Variants in DOCK3 observed in about 807,000 individuals in gnomAD.
DOCK3 encodes the protein dedicator of cytokinesis 3.
A neutral mutation model predicts 265.6 loss-of-function variants in DOCK3; 60 were observed. The ratio of observed to expected loss-of-function variants is 0.23; its 90% confidence interval spans 0.18 to 0.28. DOCK3 has a LOEUF of 0.28. DOCK3 is among the 10% of genes least tolerant of loss of function. The pLI, the probability that DOCK3 is intolerant of heterozygous loss-of-function variation, is 1.00. For synonymous variants in DOCK3, 881 were observed against 938.0 expected, an observed-to-expected ratio of 0.94 and a Z score of 1.11; for missense variants, 1,981 against 2,594.3, an observed-to-expected ratio of 0.76 and a Z score of 5.14.
chr3:50,691,853 A>G (rs1576114311), intron 1 of DOCK3, among the ~76,000 whole-genome samples: 1 of 150,140 alleles, frequency 6.7e-6, no homozygotes, highest in African/African-American at 2.5e-5. Context: ...GGCCATTTGT[A>G]TGTCTTTTTT....
At chr3:50,874,044 T>TG (rs1393496277) in intron 3 of DOCK3, among the ~76,000 whole-genome samples, 1 of 140,440 alleles carries the variant, frequency 7.1e-6, no homozygotes, top group Non-Finnish European at 1.5e-5. Flanking sequence ...ATGAAGGTGT[T>TG]TTTTTTTTTT....
chr3:51,135,145 A>C (rs1448610567), intron 9 of DOCK3, among the ~76,000 whole-genome samples: 1 of 152,226 alleles, frequency 6.6e-6, no homozygotes, highest in African/African-American at 2.4e-5. Context: ...TGTTCCACAG[A>C]GACCTCGAAT....
At chr3:51,104,690 A>G (rs1301805948) in intron 9 of DOCK3, among the ~76,000 whole-genome samples, 2 of 152,216 alleles carry the variant, frequency 1.3e-5, no homozygotes, top group African/African-American at 4.8e-5. Flanking sequence ...TTTAGTAAAC[A>G]CTTATAATCT....
chr3:51,000,364 T>G (rs1015643024), intron 5 of DOCK3, among the ~76,000 whole-genome samples: 3 of 152,164 alleles, frequency 2.0e-5, no homozygotes, highest in African/African-American at 7.2e-5. Flanking sequence ...TACAATAATT[T>G]GTGAATGAAG....
chr3:51,348,336 C>T (rs139559633), intron 38 of DOCK3, among the ~76,000 whole-genome samples: 345 of 152,324 alleles, frequency 2.3e-3, no homozygotes, highest in Non-Finnish European at 3.9e-3. Flanking sequence ...TAGGCATTTT[C>T]TTCTTGGTTT....
intron 5 of DOCK3, among the ~76,000 whole-genome samples, chr3:50,978,901 C>T (rs183338999): frequency 1.7e-4 from 26 of 152,272 alleles, no homozygotes; most frequent in African/African-American, 5.5e-4. Flanking sequence ...GGGAGTGACC[C>T]GATTTTCCAG....
chr3:50,788,645 C>T (rs2042307566), intron 2 of DOCK3, among the ~76,000 whole-genome samples: 1 of 152,254 alleles, frequency 6.6e-6, no homozygotes, highest in African/African-American at 2.4e-5. Flanking sequence ...CCCCTCACTC[C>T]TGCCCAATGT....
chr3:51,203,317 A>G (rs1019586803), intron 12 of DOCK3, among the ~76,000 whole-genome samples: 2 of 152,250 alleles, frequency 1.3e-5, no homozygotes, highest in African/African-American at 4.8e-5. Flanking sequence ...AAATTCAGCA[A>G]GGTCTCAGGA....
chr3:51,383,425 C>T lies in DOCK3; in HGVS notation c.*1866C>T, dbSNP rs534340247. ...TTCAATCTCTGGACCATCTGGTGTT[C>T]ACAGGTGTTAGAGGGTTAGGGGTTA... On this transcript the variant is annotated 3_prime_UTR_variant, in exon 53 of 53. Transcript: ENST00000266037. 6.6e-6 allele frequency: 1 copy of T among 152,570 alleles called. No homozygotes were observed. Among genetic ancestry groups the T allele is most frequent in the East Asian group, 1.9e-4 (1 of 5,184 alleles). The allele number at this position is 152,570 out of a possible 1,614,324, so 9.5% of individuals were successfully genotyped here.
At chr3:50,854,613 T>C (rs71278630) in intron 3 of DOCK3, among the ~76,000 whole-genome samples, 1 of 142,430 alleles carries the variant, frequency 7.0e-6, no homozygotes, top group Non-Finnish European at 1.5e-5. Flanking sequence ...TTTTTTTTGG[T>C]GGTCTCATTT....
intron 44 of DOCK3, 109 bp downstream of exon 44, chr3:51,357,250 C>T: frequency 8.0e-7 from 1 of 1,254,740 alleles, no homozygotes; most frequent in Non-Finnish European, 1.1e-6. Context: ...TCCCTACATG[C>T]CCTCTCTTGA....
At chr3:51,299,132 G>A (rs1026819920) in intron 27 of DOCK3, among the ~76,000 whole-genome samples, 12 of 152,072 alleles carry the variant, frequency 7.9e-5, no homozygotes, top group African/African-American at 2.4e-5. Flanking sequence ...GTGAGATGCT[G>A]TATCATTGTG....
intron 14 of DOCK3, among the ~76,000 whole-genome samples, chr3:51,217,023 G>A (rs1262182131): frequency 6.6e-6 from 1 of 152,192 alleles, no homozygotes; most frequent in Non-Finnish European, 1.5e-5. Context: ...AATCATGTCA[G>A]TAACTGTGAC....
At chr3:50,806,839 G>A (rs1468081627) in intron 2 of DOCK3, among the ~76,000 whole-genome samples, 2 of 152,034 alleles carry the variant, frequency 1.3e-5, no homozygotes, top group African/African-American at 4.8e-5. Context: ...GCTCACAAGG[G>A]GTGGGTTAGC....
chr3:50,790,488 T>TTA (rs1553659748), intron 2 of DOCK3, among the ~76,000 whole-genome samples: 4 of 151,522 alleles, frequency 2.6e-5, no homozygotes, highest in African/African-American at 9.7e-5. Flanking sequence ...TTTTTTTTTT[T>TTA]AGCAGTTATT....
At chr3:51,341,998 T>C (rs1442901977) in intron 38 of DOCK3, among the ~76,000 whole-genome samples, 4 of 152,246 alleles carry the variant, frequency 2.6e-5, no homozygotes, top group Admixed American at 6.5e-5. Context: ...TGGCGCCCTC[T>C]GACTACCTAC....
At chr3:50,886,874 G>A (rs1390512531) in intron 3 of DOCK3, among the ~76,000 whole-genome samples, 1 of 151,968 alleles carries the variant, frequency 6.6e-6, no homozygotes, top group Admixed American at 6.6e-5. Flanking sequence ...ATGTGTAGTG[G>A]GAAATTTGTG....
intron 3 of DOCK3, among the ~76,000 whole-genome samples, chr3:50,886,171 T>C (rs961791568): frequency 8.4e-5 from 12 of 143,380 alleles, no homozygotes; most frequent in Non-Finnish European, 1.5e-5. Context: ...CCTTTCAGAA[T>C]ATTTTTTATT....
chr3:51,278,139 A>G (rs1314296382), intron 26 of DOCK3: 6 of 985,332 alleles, frequency 6.1e-6, no homozygotes, highest in African/African-American at 1.7e-5. Flanking sequence ...GATGTACAGG[A>G]CAGAATAATT....
Sources: allele counts gnomAD v4.1 joint callset (sites outside exome capture counted in the v4.1 genomes callset), GRCh38; gene constraint gnomAD v4.1.1; transcripts MANE v1.5; gene names NCBI Gene and HGNC (gene_info 2026-07-23, HGNC 2026-07-21).